The following KCNMA1 variants were observed in gnomAD, a reference collection of about 807,000 sequenced individuals.
KCNMA1 encodes the protein Calcium-activated potassium channel subunit alpha-1.
In KCNMA1, 29 loss-of-function variants were observed where a neutral mutation model predicts 140.0. The observed-to-expected ratio is 0.21, with a 90% CI of 0.15 to 0.28. The LOEUF (loss-of-function observed/expected upper bound fraction) is 0.28. Among genes scored for constraint, KCNMA1 ranks in the 10% least tolerant of loss-of-function variants. The pLI, the probability that KCNMA1 is intolerant of heterozygous loss-of-function variation, is 1.00. For missense variants in KCNMA1, 880 were observed against 1,602.2 expected (o/e 0.55, Z 7.70); for synonymous variants, 612 against 611.9 (o/e 1.00, Z 0.00).
At chr10:77,255,737 C>A (rs1328227802) in intron 2 of KCNMA1, among the ~76,000 whole-genome samples, 2 of 151,996 alleles carry the variant, frequency 1.3e-5, no homozygotes, top group African/African-American at 4.8e-5. Context: ...TATGGTGAAA[C>A]CCTGTCTCTA....
At chr10:77,433,435 G>A (rs1355240965) in intron 1 of KCNMA1, 1 of 152,184 alleles carries the variant, frequency 6.6e-6, no homozygotes, top group Non-Finnish European at 1.5e-5. Context: ...TTACAGGCAT[G>A]AGCCACTGTG....
chr10:77,418,551 TCCCTACA>T (rs1382730976), intron 1 of KCNMA1, among the ~76,000 whole-genome samples: 1 of 152,006 alleles, frequency 6.6e-6, no homozygotes. Context: ...AAGTGTCGGT[TCCCTACA>T]CCCAGGGGCA....
At chr10:77,522,611 A>AT (rs2053864280) in intron 1 of KCNMA1, among the ~76,000 whole-genome samples, 1 of 152,146 alleles carries the variant, frequency 6.6e-6, no homozygotes, top group Non-Finnish European at 1.5e-5. Flanking sequence ...GTGAGCTGGC[A>AT]GGGGGGCCGG....
Position 76,944,789 on chromosome 10 carries a change from C to A in KCNMA1, c.2886G>T (p.Leu962Phe), listed in dbSNP as rs1323118195. The change falls in exon 23 of 28, where the codon TTG becomes TTT. Residue 962 changes from leucine to phenylalanine, a missense_variant. Transcript: ENST00000286628. ...TGTCCTTACCTTGGGAATTAGCCTG[C>A]AAGACTCCGATGCTGTCATCAAACT... ...SMQFDDSIGVLQANSQGFTPP... is the reference protein window; with the variant it reads ...SMQFDDSIGVFQANSQGFTPP... 2 of 1,614,104 alleles carry A rather than the reference C, an allele frequency of 1.2e-6. No individual in the cohort carries two copies. The highest frequency in any genetic ancestry group is 1.1e-5 in the South Asian group (1 of 91,078).
In KCNMA1 at chr10:77,450,763, A is replaced by G. The variant is rs545351940; in HGVS notation, c.379-46740T>C. On this transcript the variant is annotated intron_variant, in intron 1 of 27. Coordinates refer to ENST00000286628, the MANE Select transcript of KCNMA1 (RefSeq NM_001161352.2). ...AGGGCCCCATGAGACTCATTCCAGG[A>G]GGTTACCAAAGTAGTAGACCTGAAA... Among the ~76,000 whole-genome samples the G allele has an allele frequency of 1.0e-3, 155 of 152,322 alleles. 1 individual carries two copies. The highest frequency in any genetic ancestry group is 3.6e-3 in the African/African-American group (150 of 41,566).
chr10:77,544,456 C>A (rs1177554959), intron 1 of KCNMA1, among the ~76,000 whole-genome samples: 2 of 152,164 alleles, frequency 1.3e-5, no homozygotes, highest in Non-Finnish European at 2.9e-5. Flanking sequence ...CTGTCAAAAT[C>A]TCCAGTGATG....
chr10:76,877,370 G>A (rs2032583134), downstream of KCNMA1: 1 of 154,304 alleles, frequency 6.5e-6, no homozygotes, highest in South Asian at 2.0e-4. Flanking sequence ...AGAGAAAGAA[G>A]AGAAAAACAC....
At chr10:77,372,665 C>T (rs536437963) in intron 2 of KCNMA1, among the ~76,000 whole-genome samples, 4 of 152,152 alleles carry the variant, frequency 2.6e-5, no homozygotes, top group African/African-American at 4.8e-5. Context: ...TTCTTCCATG[C>T]GCTTGCCTGG....
At chr10:77,306,637 T>A (rs1441075306) in intron 2 of KCNMA1, among the ~76,000 whole-genome samples, 1 of 152,214 alleles carries the variant, frequency 6.6e-6, no homozygotes, top group Admixed American at 6.5e-5. Context: ...CAGAAAACCA[T>A]CTTAGAAAGA....
At chr10:76,899,570 T>C (rs1255714090) in intron 25 of KCNMA1, among the ~76,000 whole-genome samples, 2 of 152,142 alleles carry the variant, frequency 1.3e-5, no homozygotes, top group Non-Finnish European at 2.9e-5. Flanking sequence ...GCTGCTTTGG[T>C]GCTAACAAAC....
intron 12 of KCNMA1, among the ~76,000 whole-genome samples, chr10:77,082,552 A>G (rs1007799654): frequency 2.6e-5 from 4 of 152,328 alleles, no homozygotes; most frequent in African/African-American, 9.6e-5. Context: ...CAGTGAAGCC[A>G]GGTTCCTTAA....
At chr10:77,286,900 C>T (rs2071166423) in intron 2 of KCNMA1, among the ~76,000 whole-genome samples, 1 of 152,084 alleles carries the variant, frequency 6.6e-6, no homozygotes, top group Non-Finnish European at 1.5e-5. Flanking sequence ...ACCCAAATAT[C>T]ATGCAAGTCC....
At chr10:77,530,127 C>T (rs988868440) in intron 1 of KCNMA1, among the ~76,000 whole-genome samples, 3 of 152,208 alleles carry the variant, frequency 2.0e-5, no homozygotes, top group African/African-American at 4.8e-5. Context: ...CTAACTAACA[C>T]GAGAAGGCCA....
At chr10:77,110,401 G>T (rs941268505) in intron 7 of KCNMA1, 58 bp from the exon 8 acceptor site, 6 of 1,453,502 alleles carry the variant, frequency 4.1e-6, no homozygotes, top group Admixed American at 1.7e-5. Context: ...GTGTATACAT[G>T]CAATAAACGC....
Position 76,886,799 on chromosome 10 carries a change from A to G in KCNMA1, c.*467T>C. ...GTTTGGTTGCTTGTTTCAAATAAAC[A>G]TGTGCTAACTTATTGTGTGTATAAA... On this transcript the variant is annotated 3_prime_UTR_variant, in exon 28 of 28. Transcript: ENST00000286628. 2 of 1,035,430 alleles carry G rather than the reference A, an allele frequency of 1.9e-6. No individual in the cohort carries two copies. Among genetic ancestry groups the G allele is most frequent in the Non-Finnish European group, 2.3e-6 (2 of 859,538 alleles). The allele number at this position is 1,035,430 out of a possible 1,614,324, so 64.1% of individuals were successfully genotyped here.
At chr10:77,411,560 C>T (rs574287264) in intron 1 of KCNMA1, among the ~76,000 whole-genome samples, 22 of 152,284 alleles carry the variant, frequency 1.4e-4, no homozygotes, top group East Asian at 3.9e-4. Flanking sequence ...AAAAGGGACA[C>T]GTACCCATCC....
intron 1 of KCNMA1, among the ~76,000 whole-genome samples, chr10:77,521,941 C>T (rs1373858891): frequency 1.3e-5 from 2 of 152,136 alleles, no homozygotes; most frequent in Non-Finnish European, 2.9e-5. Flanking sequence ...TTTGGGAGGT[C>T]GAGGCAGGTA....
intron 1 of KCNMA1, among the ~76,000 whole-genome samples, chr10:77,498,286 A>G (rs917608292): frequency 6.6e-6 from 1 of 152,176 alleles, no homozygotes; most frequent in Non-Finnish European, 1.5e-5. Flanking sequence ...CCTGGTCACT[A>G]TGGATCACAG....
rs200933516 is a variant in KCNMA1, at chr10:77,637,330, T to G, written c.313A>C (p.Ile105Leu). 6.2e-7 allele frequency: 1 copy of G among 1,613,808 alleles called. No homozygotes were observed. Residue 105 changes from isoleucine (I) to leucine (L), a missense_variant, in exon 1 of 28, where the codon ATC becomes CTC. Physicochemically the swap from Ile to Leu is conservative, Grantham distance 5. Around this residue, in one of 13 missense-constraint regions of KCNMA1, gnomAD observed 31 missense variants for 75.0 expected, o/e 0.41. Coordinates refer to ENST00000286628, the MANE Select transcript of KCNMA1 (RefSeq NM_001161352.2). ...TACTTGAGCGTCCGCCAGAGCAAGA[T>G]GATGAAGAGGCCCCCGAAGAAAGTC... ...MVTFFGGLFI[I>L]LLWRTLKYLW...
Sources: gnomAD v4.1 joint callset for allele counts (sites outside exome capture counted in the v4.1 genomes callset) on GRCh38, gnomAD v4.1.1 for gene constraint, gnomAD v4.1.1 regional missense constraint, MANE v1.5 for transcripts, NCBI Gene and HGNC (gene_info 2026-07-23, HGNC 2026-07-21) for gene names.